The following MGST1 variants were observed in gnomAD, a reference collection of about 807,000 sequenced individuals.
MGST1 encodes glutathione S-transferase 12.
A neutral mutation model predicts 8.9 loss-of-function variants in MGST1; 5 were observed. The observed-to-expected ratio is 0.56, with a 90% CI of 0.29 to 1.19. The LOEUF (loss-of-function observed/expected upper bound fraction) is 1.19, where lower values mean the gene tolerates loss of function less well. Among genes scored for constraint, MGST1 ranks in the 50% most tolerant of loss-of-function variants. MGST1 has a pLI of 0.08. For missense variants in MGST1, 182 were observed against 187.4 expected, an observed-to-expected ratio of 0.97 and a Z score of 0.17; for synonymous variants, 54 against 67.8, an observed-to-expected ratio of 0.80 and a Z score of 1.00.
In MGST1 at chr12:16,536,177, C is replaced by T. The variant is rs1941756209; in HGVS notation, n.483-53351C>T. Reference sequence around the variant, plus strand: ...AAGGCCAGGAATACACTAGCTGTTTCTCTTATTAGGAAGTCTATGAGATAT... The same window carrying T: ...AAGGCCAGGAATACACTAGCTGTTTTTCTTATTAGGAAGTCTATGAGATAT... On this transcript the variant is annotated intron_variant and non_coding_transcript_variant, in intron 4 of 4. Transcript: ENST00000538857. 2.6e-5 allele frequency among the ~76,000 whole-genome samples: 4 copies of T among 151,608 alleles called. No homozygotes were observed. In the South Asian group the frequency reaches 8.3e-4, roughly 32 times the overall value.
At chr12:16,402,359 C>T (rs1034430562) in intron 1 of MGST1, 1 of 1,603,210 alleles carries the variant, frequency 6.2e-7, no homozygotes. Context: ...TCCTTTCTGC[C>T]AATTGCTGTA....
intron 1 of MGST1, chr12:16,400,983 G>A: frequency 6.8e-7 from 1 of 1,473,106 alleles, no homozygotes; most frequent in Admixed American, 1.7e-5. Context: ...TGAGCCACTA[G>A]TTCTTTTTGA....
intron 4 of MGST1, among the ~76,000 whole-genome samples, chr12:16,561,375 C>T (rs1942399170): frequency 6.6e-6 from 1 of 151,918 alleles, no homozygotes; most frequent in Non-Finnish European, 1.5e-5. Context: ...AATAATATTC[C>T]ATGCATAGTA....
chr12:16,569,594 T>TTTCCCTTAAC (rs1942738416), intron 4 of MGST1, among the ~76,000 whole-genome samples: 1 of 152,216 alleles, frequency 6.6e-6, no homozygotes, highest in African/African-American at 2.4e-5. Context: ...ATAGAATGTT[T>TTTCCCTTAAC]TTCCCTTAAC....
rs577883002 is a variant in MGST1, at chr12:16,392,282, C to T, written n.778+8678C>T. ...CTTCTTTGATTGCCTCTTCACATGA[C>T]GATGATTGTGTAATTTGATTTCCTA... On this transcript the variant is annotated intron_variant and non_coding_transcript_variant, in intron 1 of 1. Coordinates refer to the MGST1 transcript ENST00000359720. 5.4e-4 allele frequency among the ~76,000 whole-genome samples: 82 copies of T among 152,228 alleles called. 1 individual carries two copies. Among genetic ancestry groups the T allele is most frequent in the Admixed American group, 4.6e-4 (7 of 15,284 alleles).
Position 16,582,182 on chromosome 12 carries a change from A to T in MGST1, n.483-7346A>T, listed in dbSNP as rs1052959037. Among the ~76,000 whole-genome samples the T allele has an allele frequency of 6.6e-6, 1 of 151,996 alleles. No individual in the cohort carries two copies. The highest frequency in any genetic ancestry group is 2.4e-5 in the African/African-American group (1 of 41,378). Reference sequence around the variant, plus strand: ...TTTCTTCCTGTTTCTCTTTATTTGGAAGTTTTGAAATGGCTGAATTTTATC... The same window carrying T: ...TTTCTTCCTGTTTCTCTTTATTTGGTAGTTTTGAAATGGCTGAATTTTATC... On this transcript the variant is annotated intron_variant and non_coding_transcript_variant, in intron 4 of 4. Coordinates refer to the MGST1 transcript ENST00000538857. This position sits in a 1 kb window ranked among gnomAD's most constrained non-coding sequence, Gnocchi z 4.1.
chr12:16,416,062 T>A (rs1940784858), intron 1 of MGST1, among the ~76,000 whole-genome samples: 1 of 152,200 alleles, frequency 6.6e-6, no homozygotes, highest in South Asian at 2.1e-4. Context: ...TTGCCTTTAC[T>A]GGATAACATA....
intron 4 of MGST1, among the ~76,000 whole-genome samples, chr12:16,527,628 G>A (rs968813375): frequency 1.3e-5 from 2 of 151,960 alleles, no homozygotes; most frequent in Non-Finnish European, 2.9e-5. Context: ...GGAGTCTGAG[G>A]TTCTGGAATC....
chr12:16,477,288 A>G (rs919242718), intron 4 of MGST1, among the ~76,000 whole-genome samples: 2 of 152,186 alleles, frequency 1.3e-5, no homozygotes, highest in Non-Finnish European at 1.5e-5. Flanking sequence ...TAAGTAGATT[A>G]TCAGCCATTT....
rs1158104255 is a variant in MGST1, at chr12:16,445,513, C to G, written n.482+61909C>G. Reference sequence around the variant, plus strand: ...GTGATGTTCTATGTAAAATCCAGATCTCTTTATGAGAAAAAGTAGGAGAGT... The same window carrying G: ...GTGATGTTCTATGTAAAATCCAGATGTCTTTATGAGAAAAAGTAGGAGAGT... On this transcript the variant is annotated intron_variant and non_coding_transcript_variant, in intron 4 of 4. Coordinates refer to the MGST1 transcript ENST00000538857. Among the ~76,000 whole-genome samples, 3 of 151,948 alleles carry G rather than the reference C, an allele frequency of 2.0e-5. No homozygotes were observed. In the East Asian group the frequency reaches 5.8e-4, roughly 30 times the overall value.
intron 1 of MGST1, among the ~76,000 whole-genome samples, chr12:16,403,021 T>C (rs1178140118): frequency 6.6e-6 from 1 of 151,508 alleles, no homozygotes; most frequent in African/African-American, 2.4e-5. Context: ...TCCTTTCAAC[T>C]TAATCATTTT....
intron 4 of MGST1, among the ~76,000 whole-genome samples, chr12:16,465,967 G>A (rs972797829): frequency 6.6e-6 from 1 of 152,062 alleles, no homozygotes; most frequent in Non-Finnish European, 1.5e-5. Context: ...TTGTATGTGC[G>A]TTCTCAGTTA....
downstream of MGST1, among the ~76,000 whole-genome samples, chr12:16,377,906 G>C (rs1401562799): frequency 2.0e-5 from 3 of 151,144 alleles, no homozygotes; most frequent in Non-Finnish European, 4.4e-5. Flanking sequence ...GTGATGATGA[G>C]CATTTTTTCA....
At chr12:16,564,442 T>C (rs776040535) in intron 4 of MGST1, among the ~76,000 whole-genome samples, 6 of 152,246 alleles carry the variant, frequency 3.9e-5, no homozygotes, top group Non-Finnish European at 5.9e-5. Flanking sequence ...TATCCATTTC[T>C]AACGTTCCTG....
chr12:16,506,135 T>C (rs1388256666), intron 4 of MGST1, among the ~76,000 whole-genome samples: 3 of 152,300 alleles, frequency 2.0e-5, no homozygotes, highest in South Asian at 2.1e-4. Flanking sequence ...TAGCCTGTTA[T>C]AGTTTCATGG....
rs1312270495 is a variant in MGST1, at chr12:16,482,504, G to A, written n.482+98900G>A. Among the ~76,000 whole-genome samples, 2 of 152,088 alleles carry A rather than the reference G, an allele frequency of 1.3e-5. No individual in the cohort carries two copies. Among genetic ancestry groups the A allele is most frequent in the Admixed American group, 1.3e-4 (2 of 15,268 alleles). ...AAATTAGCCAGGCGCAGTGGCAGGCGCCTGTAATCCTAGCTACTCGGGAGG... is the reference window on the plus strand; with the variant it reads ...AAATTAGCCAGGCGCAGTGGCAGGCACCTGTAATCCTAGCTACTCGGGAGG... On this transcript the variant is annotated intron_variant and non_coding_transcript_variant, in intron 4 of 4. Coordinates refer to the MGST1 transcript ENST00000538857. The surrounding 1 kb of genome is among the most constrained non-coding windows in gnomAD (Gnocchi z 4.2).
chr12:16,535,831 G>C (rs1166438318), intron 4 of MGST1, among the ~76,000 whole-genome samples: 2 of 152,250 alleles, frequency 1.3e-5, no homozygotes, highest in African/African-American at 4.8e-5. Flanking sequence ...GACCTTTGAG[G>C]AAAGGTCAAA....
intron 3 of MGST1, among the ~76,000 whole-genome samples, chr12:16,370,770 A>T (rs1213823289): frequency 6.6e-6 from 1 of 152,134 alleles, no homozygotes; most frequent in African/African-American, 2.4e-5. Context: ...GAACTAGAAC[A>T]ATTTTTGAAA....
At chr12:16,535,285 C>A (rs930132817) in intron 4 of MGST1, among the ~76,000 whole-genome samples, 1 of 152,174 alleles carries the variant, frequency 6.6e-6, no homozygotes, top group Non-Finnish European at 1.5e-5. Flanking sequence ...CATCAATGAA[C>A]AAGTGGCCTC....
Sources: gnomAD v4.1 joint callset for allele counts (sites outside exome capture counted in the v4.1 genomes callset) on GRCh38, gnomAD v4.1.1 for gene constraint, Gnocchi (gnomAD v3.1) non-coding constraint, MANE v1.5 for transcripts, NCBI Gene and HGNC (gene_info 2026-07-23, HGNC 2026-07-21) for gene names.